ZNF10: variants seen among roughly 807,000 people sequenced by gnomAD.
ZNF10 encodes the protein zinc finger protein 10.
Under a neutral mutation model 12.2 loss-of-function variants are expected in ZNF10, and 8 were observed. That is an observed-to-expected ratio of 0.66 (90% confidence interval 0.39 to 1.18). The LOEUF is 1.18. ZNF10 is among the 50% of genes most tolerant of loss of function. The pLI, the probability that ZNF10 is intolerant of heterozygous loss-of-function variation, is 0.01. For synonymous variants in ZNF10, 229 were observed against 228.2 expected, an observed-to-expected ratio of 1.00 and a Z score of -0.03; for missense variants, 603 against 678.9, an observed-to-expected ratio of 0.89 and a Z score of 1.24.
At chr12:133,145,358 A>G (rs1162565724) in intron 2 of ZNF10, among the ~76,000 whole-genome samples, 3 of 152,210 alleles carry the variant, frequency 2.0e-5, no homozygotes, top group Non-Finnish European at 4.4e-5. Flanking sequence ...ATGTCTGTAC[A>G]TGCTGGACTG....
chr12:133,152,272 A>G (rs561421893), intron 4 of ZNF10, among the ~76,000 whole-genome samples: 1 of 151,692 alleles, frequency 6.6e-6, no homozygotes, highest in East Asian at 1.9e-4. Context: ...CTGGAGTGGG[A>G]CTCTTATCAC....
At chr12:133,147,886 G>A (rs1432846863) in intron 2 of ZNF10, among the ~76,000 whole-genome samples, 1 of 151,686 alleles carries the variant, frequency 6.6e-6, no homozygotes, top group African/African-American at 2.4e-5. Context: ...CATTCCCGAG[G>A]CCTGCCTTGG....
In ZNF10 at chr12:133,159,276, AAT is replaced by A. The variant is rs1431734803; in HGVS notation, c.*2309_*2310del. On this transcript the variant is annotated 3_prime_UTR_variant, in exon 5 of 5. Coordinates refer to ENST00000248211, the MANE Select transcript of ZNF10 (RefSeq NM_015394.5). Reference sequence around the variant, plus strand: ...ACAGTGCATAATTTGCAAAATAAAAAATGTACACTAGCATAATATTTGTGGCA... The same window carrying A: ...ACAGTGCATAATTTGCAAAATAAAAAGTACACTAGCATAATATTTGTGGCA... The A allele has an allele frequency of 1.3e-5, 2 of 152,258 alleles. No individual in the cohort carries two copies. Among genetic ancestry groups the A allele is most frequent in the African/African-American group, 4.8e-5 (2 of 41,470 alleles). The allele number at this position is 152,258 out of a possible 1,614,324, so 9.4% of individuals were successfully genotyped here.
Position 133,155,672 on chromosome 12 carries a change from C to T in ZNF10, c.426C>T (p.Asn142=), listed in dbSNP as rs1956035067. ...CRDQLDKYQE[N]PERHLRQVAF... is the part of the protein sequence containing the mutation. ...ACCAGTTAGACAAGTATCAGGAAAACCCAGAGAGACATTTGAGGCAAGTGG... is the reference window on the plus strand; with the variant it reads ...ACCAGTTAGACAAGTATCAGGAAAATCCAGAGAGACATTTGAGGCAAGTGG... The change falls in exon 5 of 5, where the codon AAC becomes AAT. Residue 142 remains asparagine (N), a synonymous_variant. Transcript: ENST00000248211. 2 of 1,613,034 alleles carry T rather than the reference C, an allele frequency of 1.2e-6. No homozygotes were observed. Among genetic ancestry groups the T allele is most frequent in the African/African-American group, 1.3e-5 (1 of 74,860 alleles).
rs1445551678 is a variant in ZNF10, at chr12:133,157,740, G to A, written c.*772G>A. The A allele has an allele frequency of 6.6e-6, 1 of 152,184 alleles. No individual in the cohort carries two copies. Among genetic ancestry groups the A allele is most frequent in the Non-Finnish European group, 1.5e-5 (1 of 68,034 alleles). 9.4% of individuals were successfully genotyped at this position (152,184 alleles called of 1,614,324 possible). On this transcript the variant is annotated 3_prime_UTR_variant, in exon 5 of 5. Transcript: ENST00000248211. ...ATTCTACCATCAAAGAAGCTTTTGA[G>A]TACCACCTGTTAATGAGCTTTCCTA... is the stretch of plus-strand genomic sequence containing the variant.
chr12:133,140,016 C>A (rs574349855), intron 1 of ZNF10, among the ~76,000 whole-genome samples: 56 of 151,868 alleles, frequency 3.7e-4, no homozygotes, highest in Non-Finnish European at 7.4e-4. Context: ...CCAGCCTGGG[C>A]AACATAGTGA....
chr12:133,147,435 C>T (rs547270794), intron 2 of ZNF10, among the ~76,000 whole-genome samples: 39 of 152,240 alleles, frequency 2.6e-4, no homozygotes, highest in African/African-American at 9.1e-4. Flanking sequence ...TTTAAAAGTA[C>T]CCTTTCTAAT....
chr12:133,149,188 T>G (rs1955993864), intron 2 of ZNF10, among the ~76,000 whole-genome samples: 3 of 152,052 alleles, frequency 2.0e-5, no homozygotes. Flanking sequence ...CTCAAACTCC[T>G]GGACTCAAGT....
chr12:133,156,112 G>C lies in ZNF10; in HGVS notation c.866G>C (p.Gly289Ala), dbSNP rs756885854. ...NLTRHQLIHT[G>A]EKPYECKECG... ...ACTAGGCATCAGCTTATTCATACTG[G>C]AGAAAAACCCTATGAGTGTAAAGAA... Residue 289 changes from glycine (G) to alanine (A), a missense_variant, in exon 5 of 5, where the codon GGA (glycine) becomes GCA (alanine). Gly to Ala is a moderately conservative substitution (Grantham distance 60, BLOSUM62 0). Coordinates refer to ENST00000248211, the MANE Select transcript of ZNF10 (RefSeq NM_015394.5). The C allele has an allele frequency of 6.2e-7, 1 of 1,613,422 alleles. No homozygotes were observed. Among genetic ancestry groups the C allele is most frequent in the Non-Finnish European group, 8.5e-7 (1 of 1,180,016 alleles).
intron 1 of ZNF10, 179 bp downstream of exon 1, chr12:133,130,933 C>G (rs758486524): frequency 1.4e-4 from 22 of 152,228 alleles, no homozygotes; most frequent in African/African-American, 5.1e-4. Context: ...TCGCGCGGCC[C>G]CGGCGTTCAC....
At position 133,151,160 on chromosome 12, in the gene ZNF10, A is replaced by G. The variant is rs533350809; in HGVS notation, c.160+6A>G. The G allele has an allele frequency of 1.2e-6, 2 of 1,608,692 alleles. No homozygotes were observed. Among genetic ancestry groups the G allele is most frequent in the South Asian group, 2.2e-5 (2 of 90,502 alleles). On this transcript the variant is annotated splice_donor_region_variant and intron_variant, in intron 3 of 4. Coordinates refer to ENST00000248211, the MANE Select transcript of ZNF10 (RefSeq NM_015394.5). ...TAAGAACCTGGTTTCCTTGGGTAAGACTAGCTCTGTTTTTGAAGATTTTGG... is the reference window on the plus strand; with the variant it reads ...TAAGAACCTGGTTTCCTTGGGTAAGGCTAGCTCTGTTTTTGAAGATTTTGG...
chr12:133,135,319 A>T (rs1322050999), intron 1 of ZNF10, among the ~76,000 whole-genome samples: 1 of 152,178 alleles, frequency 6.6e-6, no homozygotes, highest in African/African-American at 2.4e-5. Context: ...CAAACTCTGC[A>T]CTGTGAGCTG....
At chr12:133,155,363 T>C in intron 4 of ZNF10, 140 bp from the exon 5 acceptor site, 1 of 951,430 alleles carries the variant, frequency 1.1e-6, no homozygotes. Flanking sequence ...CCATTCTTCC[T>C]TTTCTCATTC....
At chr12:133,135,819 C>A (rs1955907758) in intron 1 of ZNF10, among the ~76,000 whole-genome samples, 1 of 152,228 alleles carries the variant, frequency 6.6e-6, no homozygotes, top group African/African-American at 2.4e-5. Flanking sequence ...AATCCCAGCC[C>A]AGAACACTGC....
At chr12:133,146,473 A>G (rs1490004906) in intron 2 of ZNF10, among the ~76,000 whole-genome samples, 2 of 152,172 alleles carry the variant, frequency 1.3e-5, no homozygotes, top group Non-Finnish European at 2.9e-5. Flanking sequence ...TTTTACATAC[A>G]GTAACGTTTT....
intron 1 of ZNF10, among the ~76,000 whole-genome samples, chr12:133,134,189 T>C (rs1445991773): frequency 6.7e-6 from 1 of 148,896 alleles, no homozygotes; most frequent in Non-Finnish European, 1.5e-5. Flanking sequence ...GGTGGGCGCC[T>C]GTAATCCCAG....
chr12:133,143,819 C>G (rs1459620696), intron 1 of ZNF10: 1 of 151,826 alleles, frequency 6.6e-6, no homozygotes, highest in African/African-American at 2.4e-5. Flanking sequence ...AGGCTGAAAT[C>G]AGGGTGTCAC....
intron 1 of ZNF10, among the ~76,000 whole-genome samples, chr12:133,133,655 G>C (rs1955893560): frequency 6.6e-6 from 1 of 152,188 alleles, no homozygotes; most frequent in Non-Finnish European, 1.5e-5. Flanking sequence ...GATCCTTAGA[G>C]AATATGGGGC....
chr12:133,152,102 A>G (rs1348476432), intron 4 of ZNF10, among the ~76,000 whole-genome samples, 198 bp downstream of exon 4: 1 of 152,132 alleles, frequency 6.6e-6, no homozygotes, highest in African/African-American at 2.4e-5. Flanking sequence ...CTGTCTGTTG[A>G]CGTGCTTGGT....
Sources: gnomAD v4.1 joint callset for allele counts (sites outside exome capture counted in the v4.1 genomes callset) on GRCh38, gnomAD v4.1.1 for gene constraint, MANE v1.5 for transcripts, NCBI Gene and HGNC (gene_info 2026-07-23, HGNC 2026-07-21) for gene names.